CNTNAP2: variants seen among roughly 807,000 people sequenced by gnomAD.
CNTNAP2 encodes the protein contactin associated protein 2.
A neutral mutation model predicts 155.2 loss-of-function variants in CNTNAP2; 98 were observed. The ratio of observed to expected loss-of-function variants is 0.63; its 90% CI spans 0.54 to 0.75. The LOEUF is 0.75. CNTNAP2 is among the 30% of genes least tolerant of loss of function. CNTNAP2 has a pLI of 0.00. For missense variants in CNTNAP2, 1,727 were observed against 1,688.1 expected (o/e 1.02, Z -0.40); for synonymous variants, 651 against 631.2 (o/e 1.03, Z -0.47).
intron 18 of CNTNAP2, among the ~76,000 whole-genome samples, chr7:148,179,110 A>G (rs568672886): frequency 8.5e-4 from 130 of 152,352 alleles, no homozygotes; most frequent in Non-Finnish European, 1.3e-3. Flanking sequence ...GGTTTTGTCA[A>G]TAGCGCAAGT....
chr7:146,442,533 C>CA (rs1320664720), intron 1 of CNTNAP2, among the ~76,000 whole-genome samples: 3 of 151,976 alleles, frequency 2.0e-5, no homozygotes, highest in South Asian at 4.2e-4. Flanking sequence ...TTTACCTCAT[C>CA]AAAAAAACTC....
At chr7:148,405,152 T>C (rs1351794192) in intron 22 of CNTNAP2, among the ~76,000 whole-genome samples, 2 of 152,160 alleles carry the variant, frequency 1.3e-5, no homozygotes, top group East Asian at 3.9e-4. Context: ...CCCTGCCTCC[T>C]GTCCATATCA....
chr7:146,374,367 T>G lies in CNTNAP2; in HGVS notation c.97+257394T>G, dbSNP rs116227889. ...ATAGAAATATTTAATGTCTTCTCAC[T>G]AAATGTGTTGTATATCCTTGCTGTT... On this transcript the variant is annotated intron_variant, in intron 1 of 23. Coordinates refer to ENST00000361727, the MANE Select transcript of CNTNAP2 (RefSeq NM_014141.6). Among the ~76,000 whole-genome samples, 1,431 of 152,324 alleles carry G rather than the reference T, an allele frequency of 9.4e-3. 23 individuals are homozygous for G. Among genetic ancestry groups the G allele is most frequent in the African/African-American group, 0.032 (1,314 of 41,588 alleles).
At chr7:147,830,760 C>G (rs1798533731) in intron 13 of CNTNAP2, among the ~76,000 whole-genome samples, 1 of 152,178 alleles carries the variant, frequency 6.6e-6, no homozygotes, top group Non-Finnish European at 1.5e-5. Flanking sequence ...TTACTTCATT[C>G]CATACAGCAT....
intron 10 of CNTNAP2, among the ~76,000 whole-genome samples, chr7:147,459,343 A>G (rs1584960108): frequency 6.6e-6 from 1 of 152,084 alleles, no homozygotes; most frequent in African/African-American, 2.4e-5. Context: ...CTATGATTTC[A>G]CTCTGGATAC....
chr7:146,973,091 C>T (rs1230329870), intron 3 of CNTNAP2, among the ~76,000 whole-genome samples: 6 of 152,126 alleles, frequency 3.9e-5, no homozygotes, highest in East Asian at 1.9e-4. Context: ...TGCAATGGCA[C>T]GATCCCAGCT....
intron 13 of CNTNAP2, among the ~76,000 whole-genome samples, chr7:147,767,836 A>T (rs996901109): frequency 3.3e-5 from 5 of 152,136 alleles, no homozygotes; most frequent in African/African-American, 1.2e-4. Flanking sequence ...TCATTTGTCA[A>T]GAGATTTCTA....
At chr7:147,049,207 A>C (rs1799423838) in intron 4 of CNTNAP2, among the ~76,000 whole-genome samples, 1 of 152,224 alleles carries the variant, frequency 6.6e-6, no homozygotes, top group Admixed American at 6.5e-5. Context: ...TGAACTTTGA[A>C]GGACGCATTC....
intron 13 of CNTNAP2, among the ~76,000 whole-genome samples, chr7:147,827,043 A>G (rs1346339350): frequency 6.6e-6 from 1 of 151,174 alleles, no homozygotes; most frequent in Admixed American, 6.6e-5. Context: ...CCATTCTCCA[A>G]CCTCAGCCTC....
At chr7:146,628,422 A>G (rs1350161430) in intron 1 of CNTNAP2, among the ~76,000 whole-genome samples, 1 of 152,136 alleles carries the variant, frequency 6.6e-6, no homozygotes, top group Non-Finnish European at 1.5e-5. Flanking sequence ...TGTTTAAGAG[A>G]TCTATTATAC....
chr7:146,440,786 A>C (rs1462417893), intron 1 of CNTNAP2, among the ~76,000 whole-genome samples: 1 of 151,672 alleles, frequency 6.6e-6, no homozygotes, highest in Non-Finnish European at 1.5e-5. Context: ...ACATAAATAC[A>C]TAGATTCATA....
intron 1 of CNTNAP2, among the ~76,000 whole-genome samples, chr7:146,723,916 G>A (rs568932748): frequency 1.2e-4 from 18 of 152,208 alleles, no homozygotes; most frequent in Middle Eastern, 3.4e-3. Flanking sequence ...GGAGGTCCCC[G>A]CTGAATTTAA....
At chr7:147,044,189 T>G in intron 4 of CNTNAP2, 135 bp downstream of exon 4, 1 of 885,178 alleles carries the variant, frequency 1.1e-6, no homozygotes, top group Non-Finnish European at 1.8e-6. Flanking sequence ...TATATGTATC[T>G]ATGCATAGAT....
intron 1 of CNTNAP2, among the ~76,000 whole-genome samples, chr7:146,603,272 C>T (rs1006829614): frequency 2.7e-5 from 4 of 150,690 alleles, no homozygotes; most frequent in African/African-American, 9.7e-5. Flanking sequence ...ATTAGCCGGG[C>T]GTGGTGGCGG....
intron 1 of CNTNAP2, among the ~76,000 whole-genome samples, chr7:146,761,665 C>CT (rs1009575340): frequency 7.3e-5 from 11 of 151,488 alleles, no homozygotes; most frequent in Non-Finnish European, 1.2e-4. Flanking sequence ...ATCATACCAT[C>CT]TTTTTTTTTA....
intron 9 of CNTNAP2, among the ~76,000 whole-genome samples, chr7:147,363,729 C>T (rs1182202491): frequency 6.6e-6 from 1 of 151,958 alleles, no homozygotes; most frequent in Non-Finnish European, 1.5e-5. Context: ...TATTGTATGG[C>T]ATTTATAGGG....
chr7:147,284,305 T>A (rs1364831029), intron 8 of CNTNAP2, among the ~76,000 whole-genome samples: 1 of 151,804 alleles, frequency 6.6e-6, no homozygotes, highest in African/African-American at 2.4e-5. Flanking sequence ...TTCATTTTAG[T>A]GATAAAAATT....
intron 1 of CNTNAP2, among the ~76,000 whole-genome samples, chr7:146,475,865 G>A (rs1796869572): frequency 6.6e-6 from 1 of 152,060 alleles, no homozygotes; most frequent in Non-Finnish European, 1.5e-5. Flanking sequence ...CAGTTTGACA[G>A]CAGACATGAA....
chr7:148,402,686 G>A (rs969532146), intron 22 of CNTNAP2, among the ~76,000 whole-genome samples: 4 of 152,012 alleles, frequency 2.6e-5, no homozygotes, highest in Admixed American at 6.6e-5. Flanking sequence ...CATCTCGCCC[G>A]GACCCACTGT....
Sources: gnomAD v4.1 joint callset for allele counts (sites outside exome capture counted in the v4.1 genomes callset) on GRCh38, gnomAD v4.1.1 for gene constraint, MANE v1.5 for transcripts, NCBI Gene and HGNC (gene_info 2026-07-23, HGNC 2026-07-21) for gene names.